TOM1L2: variants seen among roughly 807,000 people sequenced by gnomAD.
TOM1L2 encodes the protein target of myb1 like 2 membrane trafficking protein.
A neutral mutation model predicts 67.9 loss-of-function variants in TOM1L2; 31 were observed. The ratio of observed to expected loss-of-function variants is 0.46; its 90% CI spans 0.34 to 0.62. TOM1L2 has a LOEUF of 0.62. TOM1L2 is among the 20% of genes least tolerant of loss of function. The pLI is 0.01. For missense variants in TOM1L2, 606 were observed against 663.5 expected, an observed-to-expected ratio of 0.91 and a Z score of 0.95; for synonymous variants, 256 against 254.0, an observed-to-expected ratio of 1.01 and a Z score of -0.07.
rs764653662 is a variant in TOM1L2 at position 17,882,726 on chromosome 17, G to A, written c.639C>T (p.Pro213=). ...GTACCTGTTCTGAATTGGCTGTGAT[G>A]GGGCCAGTCACACTCAGAGCTGGGG... is the stretch of plus-strand genomic sequence containing the variant. ...PQAPALSVTG[P]ITANSEQIAR... Residue 213 remains proline (P), a synonymous_variant, in exon 6 of 15, where the codon CCC becomes CCT. Transcript: ENST00000379504. The A allele has an allele frequency of 1.2e-6, 2 of 1,614,082 alleles. No homozygotes were observed. The highest frequency in any genetic ancestry group is 8.5e-7 in the Non-Finnish European group (1 of 1,180,036).
intron 1 of TOM1L2, among the ~76,000 whole-genome samples, chr17:17,944,896 T>C (rs1300660078): frequency 1.3e-5 from 2 of 152,176 alleles, no homozygotes; most frequent in Admixed American, 6.5e-5. Context: ...GGGCTAGTAC[T>C]AGTGGAGCTC....
intron 1 of TOM1L2, among the ~76,000 whole-genome samples, chr17:17,951,071 G>C (rs1355957156): frequency 6.6e-6 from 1 of 152,156 alleles, no homozygotes; most frequent in Non-Finnish European, 1.5e-5. Flanking sequence ...AAGGGCTTTA[G>C]TGTGGGGCAG....
chr17:17,927,270 A>C lies in TOM1L2; in HGVS notation c.53-19739T>G, dbSNP rs564074909. ...TATTTTCAGCACACTGTACCAAGTC[A>C]AGCTGGTATGTGGATAAAGCAGCAC... On this transcript the variant is annotated intron_variant, in intron 1 of 14. Transcript: ENST00000379504. 2.6e-5 allele frequency among the ~76,000 whole-genome samples: 4 copies of C among 152,338 alleles called. No homozygotes were observed. In the South Asian group the frequency reaches 8.3e-4, roughly 32 times the overall value.
At chr17:17,937,637 C>T (rs540826135) in intron 1 of TOM1L2, among the ~76,000 whole-genome samples, 1 of 152,328 alleles carries the variant, frequency 6.6e-6, no homozygotes, top group Admixed American at 6.5e-5. Context: ...TCATGAGCAG[C>T]TTTCTAAGGC....
chr17:17,960,980 C>G (rs1281445456), intron 1 of TOM1L2, among the ~76,000 whole-genome samples: 2 of 152,124 alleles, frequency 1.3e-5, no homozygotes, highest in Non-Finnish European at 2.9e-5. Context: ...ACACTATAAA[C>G]AGAGTATAAA....
intron 1 of TOM1L2, among the ~76,000 whole-genome samples, chr17:17,932,255 G>A (rs1240989531): frequency 1.3e-5 from 2 of 152,100 alleles, no homozygotes; most frequent in Non-Finnish European, 2.9e-5. Flanking sequence ...ACAAGACCAA[G>A]AACTTATGAA....
chr17:17,929,951 T>TGACA (rs2040258594), intron 1 of TOM1L2, among the ~76,000 whole-genome samples: 1 of 152,190 alleles, frequency 6.6e-6, no homozygotes. Context: ...AGAGAGTGAG[T>TGACA]GACAGCTCTG....
chr17:17,856,809 C>T (rs1367868049), intron 12 of TOM1L2, among the ~76,000 whole-genome samples: 4 of 152,220 alleles, frequency 2.6e-5, no homozygotes, highest in Admixed American at 2.6e-4. Context: ...TCTCCATGCA[C>T]CAGGCTCAGG....
chr17:17,940,619 G>T (rs962618563), intron 1 of TOM1L2, among the ~76,000 whole-genome samples: 4 of 152,292 alleles, frequency 2.6e-5, no homozygotes, highest in Middle Eastern at 3.4e-3. Context: ...AAGAATGAAG[G>T]AAGAAAAGCA....
intron 1 of TOM1L2, among the ~76,000 whole-genome samples, chr17:17,954,850 T>C (rs1205915983): frequency 6.6e-6 from 1 of 152,154 alleles, no homozygotes; most frequent in Non-Finnish European, 1.5e-5. Flanking sequence ...AAACACATTA[T>C]GAAAACAAAC....
intron 1 of TOM1L2, among the ~76,000 whole-genome samples, chr17:17,919,267 C>T (rs183923402): frequency 2.0e-4 from 30 of 152,322 alleles, no homozygotes; most frequent in Non-Finnish European, 3.2e-4. Context: ...AGGACCTTTC[C>T]TTGCTGTTAC....
intron 1 of TOM1L2, among the ~76,000 whole-genome samples, chr17:17,922,994 A>G (rs996266907): frequency 2.0e-5 from 3 of 152,224 alleles, no homozygotes; most frequent in South Asian, 4.1e-4. Flanking sequence ...GACCGCAGGC[A>G]TCACCAGGAA....
At chr17:17,971,749 C>T (rs1016443101) in intron 1 of TOM1L2, among the ~76,000 whole-genome samples, 1 of 152,262 alleles carries the variant, frequency 6.6e-6, no homozygotes, top group Non-Finnish European at 1.5e-5. Flanking sequence ...TTGGCACCAC[C>T]TCTAGCAGCA....
intron 12 of TOM1L2, among the ~76,000 whole-genome samples, chr17:17,855,805 C>T (rs540651423): frequency 6.6e-6 from 1 of 152,312 alleles, no homozygotes; most frequent in African/African-American, 2.4e-5. Flanking sequence ...TATGTCACTT[C>T]AAGCACCACC....
At chr17:17,858,289 T>C (rs1025130699) in intron 12 of TOM1L2, 1 of 157,760 alleles carries the variant, frequency 6.3e-6, no homozygotes, top group Non-Finnish European at 1.4e-5. Flanking sequence ...ATACTAAATT[T>C]AGGTGTATTA....
intron 1 of TOM1L2, among the ~76,000 whole-genome samples, chr17:17,916,174 C>T (rs2039622526): frequency 1.3e-5 from 2 of 151,232 alleles, no homozygotes; most frequent in African/African-American, 4.9e-5. Context: ...CCTGGGTTCA[C>T]GCCCTTCTCC....
In TOM1L2 at chr17:17,847,572, T is replaced by G. The variant is rs1598161408; in HGVS notation, c.*63A>C. The G allele has an allele frequency of 6.5e-7, 1 of 1,543,698 alleles. No homozygotes were observed. The highest frequency in any genetic ancestry group is 1.2e-5 in the South Asian group (1 of 80,200). ...GAGCTGGGGATGTAGGAGTGGCCAG[T>G]GCCCGGTGTCCACGGGGTGCGAGCG... On this transcript the variant is annotated 3_prime_UTR_variant, in exon 15 of 15. Coordinates refer to ENST00000379504, the MANE Select transcript of TOM1L2 (RefSeq NM_001082968.2).
At chr17:17,948,302 A>G (rs1035734285) in intron 1 of TOM1L2, among the ~76,000 whole-genome samples, 1 of 152,122 alleles carries the variant, frequency 6.6e-6, no homozygotes, top group Non-Finnish European at 1.5e-5. Flanking sequence ...GGGGAGGGCA[A>G]TAGCCCCCCA....
In TOM1L2 at chr17:17,843,878, A is replaced by G. The variant is rs536279654; in HGVS notation, c.*3757T>C. 2.0e-5 allele frequency: 3 copies of G among 152,554 alleles called. No individual in the cohort carries two copies. The highest frequency in any genetic ancestry group is 7.2e-5 in the African/African-American group (3 of 41,582). 9.5% of individuals were successfully genotyped at this position (152,554 alleles called of 1,614,324 possible). ...ACTCGGGGGCTGATGGCTGCTCCCT[A>G]TGGCTGGTGGCCGCAGGGGAAGCCT... On this transcript the variant is annotated 3_prime_UTR_variant, in exon 15 of 15. Coordinates refer to ENST00000379504, the MANE Select transcript of TOM1L2 (RefSeq NM_001082968.2).
Sources: allele counts gnomAD v4.1 joint callset (sites outside exome capture counted in the v4.1 genomes callset), GRCh38; gene constraint gnomAD v4.1.1; transcripts MANE v1.5; gene names NCBI Gene and HGNC (gene_info 2026-07-23, HGNC 2026-07-21).